The following RAB3IL1 variants were observed in gnomAD, a reference collection of about 807,000 sequenced individuals.
RAB3IL1 encodes the protein RAB3A interacting protein like 1.
Under a neutral mutation model 49.2 loss-of-function variants are expected in RAB3IL1, and 37 were observed. The observed-to-expected ratio is 0.75, with a 90% CI of 0.58 to 0.99. The LOEUF is 0.99. RAB3IL1 is among the 50% of genes least tolerant of loss of function. RAB3IL1 has a pLI of 0.00. For synonymous variants in RAB3IL1, 193 were observed against 213.9 expected, an observed-to-expected ratio of 0.90 and a Z score of 0.85; for missense variants, 484 against 513.0, an observed-to-expected ratio of 0.94 and a Z score of 0.55.
upstream of RAB3IL1, chr11:61,917,624 C>T (rs375339708): frequency 2.0e-6 from 2 of 1,000,776 alleles, no homozygotes; most frequent in East Asian, 9.5e-5. Context: ...TCCGCCGGCC[C>T]GGCGCTGGGA....
At chr11:61,945,046 G>A in the RAB3IL1 span, among the ~76,000 whole-genome samples, 2 of 152,178 alleles carry the variant, frequency 1.3e-5, no homozygotes, top group Admixed American at 1.3e-4. Flanking sequence ...TAGCATGGGT[G>A]GAGAAGGCTG....
the RAB3IL1 span, among the ~76,000 whole-genome samples, chr11:61,938,529 C>T: frequency 6.6e-6 from 1 of 152,140 alleles, no homozygotes; most frequent in Non-Finnish European, 1.5e-5. Context: ...TTCAATTCAT[C>T]AAGAAGATAT....
the RAB3IL1 span, among the ~76,000 whole-genome samples, chr11:61,944,776 A>AT: frequency 6.6e-6 from 1 of 152,152 alleles, no homozygotes; most frequent in Non-Finnish European, 1.5e-5. Context: ...GGCTCACTGC[A>AT]ACCTCTGTCT....
At chr11:61,904,438 C>T (rs1939069441) in intron 7 of RAB3IL1, 108 bp downstream of exon 7, 3 of 1,110,600 alleles carry the variant, frequency 2.7e-6, no homozygotes, top group Non-Finnish European at 4.0e-6. Context: ...AGCAACTGTC[C>T]CTGTCCTGTC....
chr11:61,905,467 C>T (rs1410938605), intron 5 of RAB3IL1, among the ~76,000 whole-genome samples: 2 of 152,042 alleles, frequency 1.3e-5, no homozygotes, highest in Admixed American at 6.5e-5. Context: ...CAGGCCGGCT[C>T]GTAGGTGAGG....
At position 61,913,197 on chromosome 11, in the gene RAB3IL1, C is replaced by T. The variant is rs77502663; in HGVS notation, c.11+4160G>A. Among the ~76,000 whole-genome samples the T allele has an allele frequency of 8.2e-3, 1,241 of 152,154 alleles. 16 individuals are homozygous for T. The highest frequency in any genetic ancestry group is 0.029 in the African/African-American group (1,192 of 41,486). ...TCAGGGAGGACAAGGGCTTGAGAGC[C>T]AGAAAGGACGAGAGTGTTGGACACC... On this transcript the variant is annotated intron_variant, in intron 1 of 9. Coordinates refer to ENST00000394836, the MANE Select transcript of RAB3IL1 (RefSeq NM_013401.4).
At chr11:61,912,567 G>A (rs1279083945) in intron 1 of RAB3IL1, among the ~76,000 whole-genome samples, 1 of 152,218 alleles carries the variant, frequency 6.6e-6, no homozygotes, top group East Asian at 1.9e-4. Flanking sequence ...AGGGAGATGC[G>A]CTCCTCCACC....
chr11:61,908,381 C>A (rs972862051), intron 1 of RAB3IL1, 75 bp from the exon 2 acceptor site: 2 of 1,327,604 alleles, frequency 1.5e-6, no homozygotes, highest in African/African-American at 3.0e-5. Context: ...AGAAACCGCC[C>A]CGGGGCAATG....
At chr11:61,918,675 C>T (rs577422656), upstream of RAB3IL1, among the ~76,000 whole-genome samples, 6 of 152,330 alleles carry the variant, frequency 3.9e-5, no homozygotes, top group African/African-American at 1.2e-4. Flanking sequence ...CCTCCACGTC[C>T]AGGGCACAAA....
chr11:61,922,659 C>T (rs1195357456), upstream of RAB3IL1, among the ~76,000 whole-genome samples: 3 of 152,184 alleles, frequency 2.0e-5, no homozygotes, highest in African/African-American at 7.2e-5. Context: ...TGGTTAGCCT[C>T]TGAGTCCCTG....
chr11:61,925,416 T>C, the RAB3IL1 span, among the ~76,000 whole-genome samples: 2,075 of 152,242 alleles, frequency 0.014, 55 homozygotes, highest in African/African-American at 0.047. Context: ...GGTGGATCAC[T>C]TGACGTCAGG....
chr11:61,929,462 G>A, the RAB3IL1 span, among the ~76,000 whole-genome samples: 3 of 151,614 alleles, frequency 2.0e-5, no homozygotes, highest in Non-Finnish European at 4.4e-5. Flanking sequence ...TGCCGAGATC[G>A]CACCACTACA....
chr11:61,935,963 A>T, the RAB3IL1 span, among the ~76,000 whole-genome samples: 1 of 38,674 alleles, frequency 2.6e-5, no homozygotes, highest in Non-Finnish European at 4.5e-5. Flanking sequence ...AGGAACATTT[A>T]AAAAAAAAAG....
intron 1 of RAB3IL1, among the ~76,000 whole-genome samples, chr11:61,909,669 T>C (rs1405097680): frequency 2.0e-5 from 3 of 152,212 alleles, no homozygotes; most frequent in Admixed American, 6.5e-5. Flanking sequence ...TCTCTCCTAA[T>C]ACTCCTGTTT....
At chr11:61,907,315 A>C in intron 4 of RAB3IL1, 78 bp downstream of exon 4, 1 of 1,479,666 alleles carries the variant, frequency 6.8e-7, no homozygotes, top group South Asian at 1.2e-5. Context: ...CCACTCGGGC[A>C]GCAAAGCTCA....
At chr11:61,920,703 G>C (rs6591671), upstream of RAB3IL1, among the ~76,000 whole-genome samples, 151,625 of 152,388 alleles carry the variant, frequency 0.99, 75,445 homozygotes, top group Middle Eastern at 1. Flanking sequence ...GCGGGCGGAT[G>C]ACCTGAAGTC....
intron 1 of RAB3IL1, among the ~76,000 whole-genome samples, chr11:61,916,711 G>A (rs1360210306): frequency 2.6e-5 from 4 of 152,312 alleles, no homozygotes; most frequent in Admixed American, 6.5e-5. Context: ...ACAGGGCAGG[G>A]GTCCCACATC....
At chr11:61,918,230 C>T (rs145854326), upstream of RAB3IL1, among the ~76,000 whole-genome samples, 501 of 152,256 alleles carry the variant, frequency 3.3e-3, 2 homozygotes, top group African/African-American at 0.011. Context: ...ACTGGTCTAC[C>T]TGTCCCTCAG....
the RAB3IL1 span, among the ~76,000 whole-genome samples, chr11:61,933,898 T>C: frequency 6.6e-6 from 1 of 151,790 alleles, no homozygotes; most frequent in Non-Finnish European, 1.5e-5. Context: ...TGAGCCAAGA[T>C]TGCGCCACTG....
Sources: allele counts gnomAD v4.1 joint callset (sites outside exome capture counted in the v4.1 genomes callset), GRCh38; gene constraint gnomAD v4.1.1; transcripts MANE v1.5; gene names NCBI Gene and HGNC (gene_info 2026-07-23, HGNC 2026-07-21).